The following PID1 variants were observed in gnomAD, a reference collection of about 807,000 sequenced individuals.
PID1 encodes the protein PTB-containing, cubilin and LRP1-interacting protein.
Under a neutral mutation model 19.1 loss-of-function variants are expected in PID1, and 10 were observed. The observed-to-expected ratio is 0.52, with a 90% CI of 0.32 to 0.89. The LOEUF is 0.89. PID1 is among the 40% of genes least tolerant of loss of function. The pLI, the probability that PID1 is intolerant of heterozygous loss-of-function variation, is 0.03. For missense variants in PID1, 248 were observed against 285.3 expected (o/e 0.87, Z 0.94); for synonymous variants, 130 against 116.0 (o/e 1.12, Z -0.78).
At chr2:229,184,971 A>C (rs1406275484) in intron 1 of PID1, among the ~76,000 whole-genome samples, 2 of 54,780 alleles carry the variant, frequency 3.7e-5, no homozygotes, top group African/African-American at 1.8e-4. Context: ...CCATATATAT[A>C]CTATATATAT....
intron 1 of PID1, among the ~76,000 whole-genome samples, chr2:229,192,849 A>C (rs1691291394): frequency 6.6e-6 from 1 of 152,200 alleles, no homozygotes; most frequent in Non-Finnish European, 1.5e-5. Context: ...TAACCAAAAA[A>C]AAAGTTGAGA....
chr2:229,119,646 A>G (rs1695478603), intron 2 of PID1, among the ~76,000 whole-genome samples: 1 of 152,208 alleles, frequency 6.6e-6, no homozygotes, highest in Non-Finnish European at 1.5e-5. Flanking sequence ...ATGGCCTTAC[A>G]CTAACTTGGA....
At chr2:229,070,398 T>G (rs1373384422) in intron 2 of PID1, among the ~76,000 whole-genome samples, 1 of 152,174 alleles carries the variant, frequency 6.6e-6, no homozygotes, top group Non-Finnish European at 1.5e-5. Context: ...GGGGATTAAA[T>G]GAGATAACCC....
At chr2:229,240,083 T>C (rs530338050) in intron 1 of PID1, among the ~76,000 whole-genome samples, 1 of 152,248 alleles carries the variant, frequency 6.6e-6, no homozygotes, top group Non-Finnish European at 1.5e-5. Context: ...GAAAGTGTTA[T>C]TAGAAGAAAG....
Position 229,139,109 on chromosome 2 carries a change from A to G in PID1, c.177+16709T>C, listed in dbSNP as rs925813466. ...AAAGAAAGAAAGAAAGAAAGAAAGA[A>G]AGAAAGAGAAAGAAAGAAAGAAAGA... On this transcript the variant is annotated intron_variant, in intron 2 of 2. Coordinates refer to ENST00000392055, the MANE Select transcript of PID1 (RefSeq NM_001100818.2). Among the ~76,000 whole-genome samples, 507 of 72,574 alleles carry G rather than the reference A, an allele frequency of 7.0e-3. 61 individuals are homozygous for G. The highest frequency in any genetic ancestry group is 0.032 in the African/African-American group (479 of 14,992). The allele number at this position is 72,574 out of a possible 152,430, so 47.6% of individuals were successfully genotyped here.
rs545022434 is a variant in PID1 at position 229,204,235 on chromosome 2, G to C, written c.31-48271C>G. Reference sequence around the variant, plus strand: ...AGGGGAGGAAACTATAGTTTATAGAGAGCGTGACAAGCAAGAAATGAGAGT... The same window carrying C: ...AGGGGAGGAAACTATAGTTTATAGACAGCGTGACAAGCAAGAAATGAGAGT... On this transcript the variant is annotated intron_variant, in intron 1 of 2. Coordinates refer to ENST00000392055, the MANE Select transcript of PID1 (RefSeq NM_001100818.2). Among the ~76,000 whole-genome samples, 27 of 152,156 alleles carry C rather than the reference G, an allele frequency of 1.8e-4. No individual in the cohort carries two copies. In the East Asian group the frequency reaches 4.3e-3, roughly 24 times the overall value.
At chr2:229,044,506 G>A (rs1183531054) in intron 2 of PID1, among the ~76,000 whole-genome samples, 5 of 152,148 alleles carry the variant, frequency 3.3e-5, no homozygotes, top group Non-Finnish European at 7.3e-5. Flanking sequence ...CTTAGAGACA[G>A]TTCCAAATGT....
chr2:229,205,489 G>A (rs1285455000), intron 1 of PID1, among the ~76,000 whole-genome samples: 2 of 151,858 alleles, frequency 1.3e-5, no homozygotes, highest in African/African-American at 2.4e-5. Context: ...CAATCTGGTG[G>A]GTGGAGGTCG....
chr2:229,125,379 C>T (rs1395474574), intron 2 of PID1, among the ~76,000 whole-genome samples: 1 of 146,946 alleles, frequency 6.8e-6, no homozygotes, highest in Non-Finnish European at 1.5e-5. Flanking sequence ...TGCAGCATAA[C>T]ATTCCACCTA....
intron 2 of PID1, among the ~76,000 whole-genome samples, chr2:229,046,085 C>T (rs1323190075): frequency 6.6e-6 from 1 of 152,090 alleles, no homozygotes; most frequent in Non-Finnish European, 1.5e-5. Context: ...GCTTTTGCAG[C>T]GTCTCACATA....
At chr2:229,108,933 C>T (rs1695233074) in intron 2 of PID1, among the ~76,000 whole-genome samples, 1 of 152,042 alleles carries the variant, frequency 6.6e-6, no homozygotes, top group Admixed American at 6.5e-5. Context: ...ATGATATCAG[C>T]AAAAATTGGG....
chr2:229,107,826 G>T (rs1457045756), intron 2 of PID1, among the ~76,000 whole-genome samples: 2 of 152,218 alleles, frequency 1.3e-5, no homozygotes, highest in African/African-American at 4.8e-5. Flanking sequence ...GTTAGAAAAT[G>T]CAGGGCCCTT....
At chr2:229,245,812 T>C (rs148177661) in intron 1 of PID1, among the ~76,000 whole-genome samples, 3 of 152,166 alleles carry the variant, frequency 2.0e-5, no homozygotes, top group Non-Finnish European at 4.4e-5. Context: ...CAGTACTTAG[T>C]AGGGCTAAAA....
chr2:229,131,989 A>G (rs754226569), intron 2 of PID1, among the ~76,000 whole-genome samples: 5 of 152,132 alleles, frequency 3.3e-5, no homozygotes, highest in Admixed American at 6.5e-5. Context: ...GAAAAGAGCA[A>G]TGTAGACAGT....
intron 1 of PID1, among the ~76,000 whole-genome samples, chr2:229,238,489 C>A (rs945135521): frequency 1.3e-5 from 2 of 152,044 alleles, no homozygotes; most frequent in African/African-American, 4.8e-5. Flanking sequence ...GCAGCGCAAT[C>A]GATTAGCGTA....
intron 2 of PID1, among the ~76,000 whole-genome samples, chr2:229,036,799 C>T (rs1297113787): frequency 6.6e-6 from 1 of 152,186 alleles, no homozygotes; most frequent in African/African-American, 2.4e-5. Context: ...ATCTAGCTGT[C>T]CCATGGCTAG....
intron 1 of PID1, among the ~76,000 whole-genome samples, chr2:229,255,370 A>G (rs1052764509): frequency 2.6e-5 from 4 of 152,234 alleles, no homozygotes; most frequent in African/African-American, 4.8e-5. Flanking sequence ...TGAAAGCAGC[A>G]GTAAGTTTGC....
chr2:229,191,708 G>C (rs182321286), intron 1 of PID1, among the ~76,000 whole-genome samples: 11 of 152,264 alleles, frequency 7.2e-5, no homozygotes, highest in African/African-American at 2.6e-4. Flanking sequence ...ATGTGAATCA[G>C]CACTCTTAAA....
intron 2 of PID1, among the ~76,000 whole-genome samples, chr2:229,151,318 G>A (rs1247139641): frequency 6.6e-6 from 1 of 152,152 alleles, no homozygotes; most frequent in Non-Finnish European, 1.5e-5. Flanking sequence ...TCAGAATGCT[G>A]CAGTTCAAAT....
Sources: gnomAD v4.1 joint callset for allele counts (sites outside exome capture counted in the v4.1 genomes callset) on GRCh38, gnomAD v4.1.1 for gene constraint, MANE v1.5 for transcripts, NCBI Gene and HGNC (gene_info 2026-07-23, HGNC 2026-07-21) for gene names.